NTPCR: variants seen among roughly 807,000 people sequenced by gnomAD.
The protein encoded by NTPCR is nucleoside-triphosphatase, cancer-related, also known as cancer-related nucleoside-triphosphatase.
In NTPCR, 15 loss-of-function variants were observed where a neutral mutation model predicts 19.5. That is an observed-to-expected ratio of 0.77 (90% CI 0.51 to 1.18). The LOEUF (loss-of-function observed/expected upper bound fraction) is 1.18. Among genes scored for constraint, NTPCR ranks in the 50% most tolerant of loss-of-function variants. The pLI is 0.00. For synonymous variants in NTPCR, 90 were observed against 95.8 expected, an observed-to-expected ratio of 0.94 and a Z score of 0.36; for missense variants, 206 against 240.4, an observed-to-expected ratio of 0.86 and a Z score of 0.95.
chr1:232,964,919 G>T (rs1035415674), intron 3 of NTPCR: 1 of 152,006 alleles, frequency 6.6e-6, no homozygotes, highest in Non-Finnish European at 1.5e-5. Context: ...TGTAAACACT[G>T]GCAGGAAGGT....
intron 1 of NTPCR, among the ~76,000 whole-genome samples, chr1:232,954,930 G>A (rs536703782): frequency 6.6e-6 from 1 of 152,264 alleles, no homozygotes; most frequent in South Asian, 2.1e-4. Context: ...GTGAAGAAAT[G>A]CTTAGAGACC....
intron 4 of NTPCR, among the ~76,000 whole-genome samples, chr1:232,973,777 TA>T (rs1223222794): frequency 1.3e-5 from 2 of 152,146 alleles, no homozygotes; most frequent in African/African-American, 4.8e-5. Context: ...CAATAGCCAA[TA>T]AAAAAGTCAC....
At chr1:232,963,617 G>T (rs1324392765) in intron 3 of NTPCR, 2 of 152,164 alleles carry the variant, frequency 1.3e-5, no homozygotes, top group African/African-American at 4.8e-5. Flanking sequence ...TTAGGAGGAA[G>T]TTCATACGGG....
chr1:232,974,646 A>G (rs1669076990), intron 4 of NTPCR, among the ~76,000 whole-genome samples: 1 of 152,238 alleles, frequency 6.6e-6, no homozygotes, highest in South Asian at 2.1e-4. Flanking sequence ...GAAATTGGTG[A>G]TGGAGTATTT....
intron 3 of NTPCR, chr1:232,969,338 A>AAATATTTATATTTATAT (rs1668908693): frequency 6.4e-6 from 1 of 155,140 alleles, no homozygotes; most frequent in Non-Finnish European, 1.4e-5. Context: ...ATACAACCAG[A>AAATATTTATATTTATAT]AAATAAGTGG....
chr1:232,955,482 G>T lies in NTPCR; in HGVS notation c.35-75G>T, dbSNP rs532105724. On this transcript the variant is annotated intron_variant, in intron 1 of 4. Transcript: ENST00000366628. ...ATAATTGCTGCCTCAGAGTCCACAAGTGCTGTGTGTGCTCTAGTAAGGGAA... is the reference window on the plus strand; with the variant it reads ...ATAATTGCTGCCTCAGAGTCCACAATTGCTGTGTGTGCTCTAGTAAGGGAA... 4.0e-6 allele frequency: 5 copies of T among 1,265,266 alleles called. No individual in the cohort carries two copies. The African/African-American group carries it at 6.1e-5, about 16-fold the overall frequency. The allele number at this position is 1,265,266 out of a possible 1,614,324, so 78.4% of individuals were successfully genotyped here. A position where few individuals can be genotyped will look rare whatever the true frequency, so the allele number is the denominator to read the frequency against.
intron 4 of NTPCR, among the ~76,000 whole-genome samples, chr1:232,975,487 A>G (rs907000221): frequency 1.3e-5 from 2 of 152,204 alleles, no homozygotes; most frequent in African/African-American, 4.8e-5. Context: ...AGGGGAAGAA[A>G]TGCCTCTTAG....
intron 3 of NTPCR, among the ~76,000 whole-genome samples, chr1:232,959,269 A>ACT (rs1056670175): frequency 2.0e-5 from 3 of 151,406 alleles, no homozygotes; most frequent in South Asian, 2.1e-4. Context: ...TTTCCCCTGC[A>ACT]CTCTCTCTCT....
rs1669311759 is a variant in NTPCR, at chr1:232,982,602, G to A, written c.*4371G>A. On this transcript the variant is annotated 3_prime_UTR_variant, in exon 5 of 5. Coordinates refer to ENST00000366628, the MANE Select transcript of NTPCR (RefSeq NM_032324.3). ...GAAACGGGATGGAGGAGCACCCAGG[G>A]TGCTCTTGCTCTCTTGCCTGCGCTG... 6.6e-6 allele frequency: 1 copy of A among 152,240 alleles called. No homozygotes were observed. The highest frequency in any genetic ancestry group is 2.1e-4 in the South Asian group (1 of 4,836). 9.4% of individuals were successfully genotyped at this position (152,240 alleles called of 1,614,324 possible). A position where few individuals can be genotyped will look rare whatever the true frequency, so the allele number is the denominator to read the frequency against.
Position 232,976,023 on chromosome 1 carries a change from C to T in NTPCR, c.505-2140C>T, listed in dbSNP as rs560445414. ...CAGGGAATATCATAAGTGAATACTG[C>T]AGAGAGTTGCACATCAACATTTTAT... is the stretch of plus-strand genomic sequence containing the variant. On this transcript the variant is annotated intron_variant, in intron 4 of 4. Coordinates refer to ENST00000366628, the MANE Select transcript of NTPCR (RefSeq NM_032324.3). 2.6e-5 allele frequency among the ~76,000 whole-genome samples: 4 copies of T among 152,274 alleles called. No individual in the cohort carries two copies. In the East Asian group the frequency reaches 7.7e-4, roughly 29 times the overall value.
At chr1:232,964,112 A>T (rs1211010987) in intron 3 of NTPCR, 1 of 152,140 alleles carries the variant, frequency 6.6e-6, no homozygotes. Flanking sequence ...TTTCCTCCAG[A>T]TGTTACACTT....
chr1:232,983,576 T>G lies in NTPCR; in HGVS notation c.*5345T>G, dbSNP rs1294750082. ...GGCCCACCAATCGCCTGGACTACAG[T>G]GAGGAGCATTGTGTGACTCCGCGGT... On this transcript the variant is annotated 3_prime_UTR_variant, in exon 5 of 5. Coordinates refer to ENST00000366628, the MANE Select transcript of NTPCR (RefSeq NM_032324.3). 1 of 152,186 alleles carries G rather than the reference T, an allele frequency of 6.6e-6. No individual in the cohort carries two copies. The highest frequency in any genetic ancestry group is 1.5e-5 in the Non-Finnish European group (1 of 68,040). The allele number at this position is 152,186 out of a possible 1,614,324, so 9.4% of individuals were successfully genotyped here. A position where few individuals can be genotyped will look rare whatever the true frequency, so the allele number is the denominator to read the frequency against.
At chr1:232,957,472 A>G (rs1668544991) in intron 3 of NTPCR, among the ~76,000 whole-genome samples, 1 of 152,186 alleles carries the variant, frequency 6.6e-6, no homozygotes, top group Non-Finnish European at 1.5e-5. Flanking sequence ...AGTTATTGGC[A>G]TATAGTTGTT....
intron 3 of NTPCR, chr1:232,962,019 T>G (rs1000837665): frequency 6.6e-6 from 1 of 152,222 alleles, no homozygotes; most frequent in Admixed American, 6.5e-5. Flanking sequence ...AAAAATGGCC[T>G]TGTTCAGAAA....
intron 1 of NTPCR, 25 bp from the exon 2 acceptor site, chr1:232,955,530 CTT>C (rs55951151): frequency 0.057 from 72,251 of 1,257,268 alleles, no homozygotes; most frequent in East Asian, 0.062. Context: ...GGCTTTTCTT[CTT>C]TTTTTTTTTT....
intron 3 of NTPCR, among the ~76,000 whole-genome samples, chr1:232,961,521 A>G (rs569181909): frequency 6.6e-6 from 1 of 152,320 alleles, no homozygotes; most frequent in African/African-American, 2.4e-5. Context: ...TTAGTTGTTC[A>G]TCCATTGCTC....
Position 232,983,269 on chromosome 1 carries a change from T to C in NTPCR, c.*5038T>C, listed in dbSNP as rs955558621. 2 of 152,196 alleles carry C rather than the reference T, an allele frequency of 1.3e-5. No individual in the cohort carries two copies. Among genetic ancestry groups the C allele is most frequent in the African/African-American group, 4.8e-5 (2 of 41,448 alleles). 9.4% of individuals were successfully genotyped at this position (152,196 alleles called of 1,614,324 possible). On this transcript the variant is annotated 3_prime_UTR_variant, in exon 5 of 5. Transcript: ENST00000366628. ...ATGGTTCACCAGGCCAGTGATACTC[T>C]ATGGACTGCATTTTGGGACCTCTAC... is the stretch of plus-strand genomic sequence containing the variant.
intron 4 of NTPCR, chr1:232,976,718 G>A (rs572641093): frequency 3.4e-5 from 25 of 741,594 alleles, no homozygotes; most frequent in South Asian, 7.5e-5. Flanking sequence ...AGCCAGGACC[G>A]GTAGAAATGG....
chr1:232,950,671 ACTGCTCCC>A lies in NTPCR; in HGVS notation c.-36_-29del. 1 of 1,573,480 alleles carries A rather than the reference ACTGCTCCC, an allele frequency of 6.4e-7. No individual in the cohort carries two copies. Among genetic ancestry groups the A allele is most frequent in the Non-Finnish European group, 8.7e-7 (1 of 1,144,554 alleles). ...GACCTGAATTGCGACCCCAACCTGG[ACTGCTCCC>A]CTGACCGCAACCCCTACCCCCGCCC... On this transcript the variant is annotated 5_prime_UTR_variant, in exon 1 of 5. Coordinates refer to ENST00000366628, the MANE Select transcript of NTPCR (RefSeq NM_032324.3).
Sources: allele counts gnomAD v4.1 joint callset (sites outside exome capture counted in the v4.1 genomes callset), GRCh38; gene constraint gnomAD v4.1.1; transcripts MANE v1.5; gene names NCBI Gene and HGNC (gene_info 2026-07-23, HGNC 2026-07-21).